Variants in SLC44A5 observed in about 807,000 individuals in gnomAD.
SLC44A5 encodes the protein choline transporter-like protein 5.
SLC44A5 carries 57 observed loss-of-function variants against 101.8 expected under a neutral mutation model. That is an observed-to-expected ratio of 0.56 (90% CI 0.45 to 0.70). The LOEUF is 0.70. SLC44A5 is among the 30% of genes least tolerant of loss of function. The pLI is 0.00. For synonymous variants in SLC44A5, 281 were observed against 290.9 expected, an observed-to-expected ratio of 0.97 and a Z score of 0.35; for missense variants, 737 against 853.1, an observed-to-expected ratio of 0.86 and a Z score of 1.70.
chr1:75,422,943 G>T (rs961807932), intron 2 of SLC44A5, among the ~76,000 whole-genome samples: 45 of 152,240 alleles, frequency 3.0e-4, no homozygotes, highest in African/African-American at 1.1e-3. Flanking sequence ...TCTTCCTGTT[G>T]TCTTTATGTG....
At chr1:75,631,034 G>C in the SLC44A5 span, among the ~76,000 whole-genome samples, 2 of 152,174 alleles carry the variant, frequency 1.3e-5, no homozygotes, top group Non-Finnish European at 2.9e-5. Flanking sequence ...TCTATTTAGG[G>C]TATTTGTACC....
intron 2 of SLC44A5, among the ~76,000 whole-genome samples, chr1:75,533,335 GC>G (rs1670824464): frequency 6.6e-6 from 1 of 152,064 alleles, no homozygotes. Context: ...GAGGAACGAG[GC>G]CCCAACGGAA....
the SLC44A5 span, among the ~76,000 whole-genome samples, chr1:75,679,103 G>A: frequency 6.6e-6 from 1 of 152,122 alleles, no homozygotes; most frequent in Non-Finnish European, 1.5e-5. Context: ...CAAGAAATAT[G>A]GGACTATGTG....
chr1:75,656,062 C>T, the SLC44A5 span, among the ~76,000 whole-genome samples: 1 of 152,156 alleles, frequency 6.6e-6, no homozygotes, highest in Non-Finnish European at 1.5e-5. Flanking sequence ...TGGCAACAGA[C>T]TGCTCAGTGG....
the SLC44A5 span, among the ~76,000 whole-genome samples, chr1:75,681,858 C>CCCA: frequency 6.6e-6 from 1 of 152,080 alleles, no homozygotes; most frequent in African/African-American, 2.4e-5. Context: ...TCTAGAAAAC[C>CCCA]CCACTGTCTC....
At chr1:75,272,969 G>A (rs1651613267) in intron 6 of SLC44A5, among the ~76,000 whole-genome samples, 1 of 151,972 alleles carries the variant, frequency 6.6e-6, no homozygotes, top group South Asian at 2.1e-4. Context: ...ATTGCTTTTG[G>A]CAGTATGGTC....
At chr1:75,516,737 G>A (rs1255383465) in intron 2 of SLC44A5, among the ~76,000 whole-genome samples, 2 of 152,072 alleles carry the variant, frequency 1.3e-5, no homozygotes, top group African/African-American at 4.8e-5. Context: ...GCACACAGTC[G>A]CCCAACAAGT....
At chr1:75,701,684 G>T in the SLC44A5 span, among the ~76,000 whole-genome samples, 1 of 152,130 alleles carries the variant, frequency 6.6e-6, no homozygotes, top group East Asian at 1.9e-4. Flanking sequence ...AATAAATAAA[G>T]GGCATTCAAT....
chr1:75,589,691 A>G (rs1361402494), intron 1 of SLC44A5, among the ~76,000 whole-genome samples: 2 of 152,256 alleles, frequency 1.3e-5, no homozygotes, highest in Admixed American at 6.5e-5. Context: ...TGAATCACCA[A>G]TGCCACCCTG....
At chr1:75,656,930 C>G in the SLC44A5 span, among the ~76,000 whole-genome samples, 270 of 152,268 alleles carry the variant, frequency 1.8e-3, 2 homozygotes, top group Admixed American at 2.9e-3. Flanking sequence ...AGGCAGATCA[C>G]CTGAGATCAG....
chr1:75,625,981 A>C, the SLC44A5 span, among the ~76,000 whole-genome samples: 1 of 152,158 alleles, frequency 6.6e-6, no homozygotes. Context: ...TAGGGCATAT[A>C]GTTATCTGCT....
intron 4 of SLC44A5, among the ~76,000 whole-genome samples, chr1:75,317,390 C>T (rs1462817246): frequency 6.6e-6 from 1 of 152,232 alleles, no homozygotes; most frequent in Non-Finnish European, 1.5e-5. Context: ...CTGATTCCTA[C>T]ATATTACTGG....
intron 4 of SLC44A5, among the ~76,000 whole-genome samples, chr1:75,337,697 T>C (rs1657556468): frequency 6.6e-6 from 1 of 152,154 alleles, no homozygotes. Context: ...TCTTGGTAGA[T>C]GGGAACAAAT....
the SLC44A5 span, among the ~76,000 whole-genome samples, chr1:75,709,008 G>A: frequency 6.6e-6 from 1 of 152,024 alleles, no homozygotes; most frequent in African/African-American, 2.4e-5. Flanking sequence ...TAGCTATTTT[G>A]GCTATGTTAA....
intron 1 of SLC44A5, among the ~76,000 whole-genome samples, chr1:75,574,571 T>C (rs1242221066): frequency 6.6e-6 from 1 of 152,216 alleles, no homozygotes; most frequent in Non-Finnish European, 1.5e-5. Context: ...TAGGCAAAAC[T>C]GTGGAGCAAG....
Position 75,322,130 on chromosome 1 carries a change from G to T in SLC44A5, c.101+17452C>A, listed in dbSNP as rs561157478. Among the ~76,000 whole-genome samples, 19 of 152,202 alleles carry T rather than the reference G, an allele frequency of 1.2e-4. No individual in the cohort carries two copies. The South Asian group carries it at 3.7e-3, about 30-fold the overall frequency. ...GTTTGAGACCAGCCTGGCCAAAATGGCAAAACTCCATCTCTACAAAAAAAT... is the reference window on the plus strand; with the variant it reads ...GTTTGAGACCAGCCTGGCCAAAATGTCAAAACTCCATCTCTACAAAAAAAT... On this transcript the variant is annotated intron_variant, in intron 4 of 23. Coordinates refer to ENST00000370859, the MANE Select transcript of SLC44A5 (RefSeq NM_001130058.2).
At chr1:75,304,201 C>T (rs1654732252) in intron 4 of SLC44A5, among the ~76,000 whole-genome samples, 1 of 152,084 alleles carries the variant, frequency 6.6e-6, no homozygotes, top group Non-Finnish European at 1.5e-5. Context: ...AAACCAAGAA[C>T]TCAAATCTCC....
In SLC44A5 at chr1:75,544,526, C is replaced by CACACAA; in HGVS notation, c.-69-3011_-69-3010insTTGTGT. ...GTGCACACACACACACACACACACA[C>CACACAA]AACAAAATACTTTTGCTGAACCATT... On this transcript the variant is annotated intron_variant, in intron 1 of 23. Coordinates refer to ENST00000370859, the MANE Select transcript of SLC44A5 (RefSeq NM_001130058.2). Among the ~76,000 whole-genome samples, 4 of 149,534 alleles carry CACACAA rather than the reference C, an allele frequency of 2.7e-5. 1 individual carries two copies. Among genetic ancestry groups the CACACAA allele is most frequent in the African/African-American group, 9.9e-5 (4 of 40,534 alleles).
chr1:75,698,138 G>A, the SLC44A5 span, among the ~76,000 whole-genome samples: 1 of 152,172 alleles, frequency 6.6e-6, no homozygotes, highest in Non-Finnish European at 1.5e-5. Flanking sequence ...GCTCAAATTG[G>A]GTGGAGCCCA....
Sources: gnomAD v4.1 joint callset for allele counts (sites outside exome capture counted in the v4.1 genomes callset) on GRCh38, gnomAD v4.1.1 for gene constraint, MANE v1.5 for transcripts, NCBI Gene and HGNC (gene_info 2026-07-23, HGNC 2026-07-21) for gene names.